The following PARP4 variants were observed in gnomAD, a reference collection of about 807,000 sequenced individuals.
PARP4 encodes poly(ADP-ribose) polymerase family member 4.
PARP4 carries 120 observed loss-of-function variants against 187.7 expected under a neutral mutation model. The observed-to-expected ratio is 0.64, with a 90% CI of 0.55 to 0.74. PARP4 has a LOEUF of 0.74. Ranked by LOEUF, PARP4 falls within the 30% of genes least tolerant of loss-of-function variation. The pLI, the probability that PARP4 is intolerant of heterozygous loss-of-function variation, is 0.00. For missense variants in PARP4, 1,836 were observed against 2,070.5 expected, an observed-to-expected ratio of 0.89 and a Z score of 2.20; for synonymous variants, 654 against 740.9, an observed-to-expected ratio of 0.88 and a Z score of 1.90.
Position 24,484,650 on chromosome 13 carries a change from T to C in PARP4, c.1448+3A>G. On this transcript the variant is annotated splice_donor_region_variant and intron_variant, in intron 12 of 33. Coordinates refer to ENST00000381989, the MANE Select transcript of PARP4 (RefSeq NM_006437.4). ...CGATTCTGTGATTAAGGATCGAACA[T>C]ACCTGAGCGAATCACTGAAATAAAT... 8.1e-6 allele frequency: 13 copies of C among 1,595,490 alleles called. No individual in the cohort carries two copies. The highest frequency in any genetic ancestry group is 1.1e-5 in the Non-Finnish European group (13 of 1,162,926).
Position 24,434,690 on chromosome 13 carries a change from G to A in PARP4, c.4451C>T (p.Pro1484Leu), listed in dbSNP as rs750397824. ...NLRLPMASALPEALCSQSRTT... is the reference protein window; with the variant it reads ...NLRLPMASALLEALCSQSRTT... ...CCGGGACTGACTGCAAAGAGCCTCA[G>A]GTAAAGCAGAGGCCATTGGCAGCCT... The change falls in exon 31 of 34, where the codon CCT becomes CTT. Residue 1484 changes from proline to leucine, a missense_variant. By Grantham distance (98) the Pro-to-Leu change is moderately conservative (BLOSUM62 -3). Transcript: ENST00000381989. The A allele has an allele frequency of 6.2e-7, 1 of 1,614,144 alleles. No individual in the cohort carries two copies. The highest frequency in any genetic ancestry group is 1.3e-5 in the African/African-American group (1 of 75,026).
At chr13:24,448,972 G>A (rs1278472688) in intron 25 of PARP4, among the ~76,000 whole-genome samples, 1 of 152,240 alleles carries the variant, frequency 6.6e-6, no homozygotes, top group Non-Finnish European at 1.5e-5. Flanking sequence ...GGTGTAGGAG[G>A]GAATGTGGAG....
intron 27 of PARP4, among the ~76,000 whole-genome samples, chr13:24,444,038 T>C (rs1458906363): frequency 6.6e-6 from 1 of 152,256 alleles, no homozygotes; most frequent in Admixed American, 6.5e-5. Context: ...ATTTTGCTAA[T>C]TCATTTTATT....
In PARP4 at chr13:24,510,625, T is replaced by G. The variant is rs895009183; in HGVS notation, c.-2+2081A>C. On this transcript the variant is annotated intron_variant, in intron 1 of 33. Transcript: ENST00000381989. Reference sequence around the variant, plus strand: ...TAAAATGCTTGTACATATATTTTTTTGCCACATCTCTGTCATAGTTTCCCT... The same window carrying G: ...TAAAATGCTTGTACATATATTTTTTGGCCACATCTCTGTCATAGTTTCCCT... 2.9e-4 allele frequency among the ~76,000 whole-genome samples: 44 copies of G among 152,140 alleles called. 1 individual carries two copies. The highest frequency in any genetic ancestry group is 6.2e-4 in the Non-Finnish European group (42 of 68,030).
intron 33 of PARP4, 92 bp downstream of exon 33, chr13:24,426,374 A>G (rs1162859602): frequency 1.0e-6 from 1 of 955,368 alleles, no homozygotes; most frequent in African/African-American, 1.7e-5. Context: ...TAGTGTACAC[A>G]TGTAAGATAA....
intron 31 of PARP4, among the ~76,000 whole-genome samples, chr13:24,432,994 G>C (rs1557076): frequency 0.94 from 142,699 of 152,150 alleles, 67,056 homozygotes; most frequent in East Asian, 1. Context: ...CCATAGAGAA[G>C]TGGTACCAGG....
At chr13:24,491,964 G>A (rs1230570633) in intron 9 of PARP4, among the ~76,000 whole-genome samples, 3 of 152,284 alleles carry the variant, frequency 2.0e-5, no homozygotes, top group East Asian at 3.9e-4. Context: ...GAGCAGAGCC[G>A]TCACTCTACA....
rs1249471384 is a variant in PARP4 at position 24,490,770 on chromosome 13, G to T, written c.1112C>A (p.Ser371Tyr). 1.9e-6 allele frequency: 3 copies of T among 1,614,020 alleles called. No individual in the cohort carries two copies. The highest frequency in any genetic ancestry group is 1.7e-6 in the Non-Finnish European group (2 of 1,179,862). ...CCTCAAAGCTCGGTATTTGGCCAGG[G>T]ATGGTGGGTTGGGTTTGGACAAATT... ...ETNLSKPNPP[S>Y]LAKYRALRCK... is the part of the protein sequence containing the mutation. Residue 371 changes from serine to tyrosine, a missense_variant, in exon 10 of 34, where the codon TCC becomes TAC. Coordinates refer to ENST00000381989, the MANE Select transcript of PARP4 (RefSeq NM_006437.4).
At position 24,428,340 on chromosome 13, in the gene PARP4, C is replaced by T. The variant is rs548205877; in HGVS notation, c.4847-1742G>A. On this transcript the variant is annotated intron_variant, in intron 32 of 33. Transcript: ENST00000381989. ...ACACTAAACCCTGCTGTGCAGCAGGCTGGTCCTAGCACCTGCTCTGCTCAG... is the reference window on the plus strand; with the variant it reads ...ACACTAAACCCTGCTGTGCAGCAGGTTGGTCCTAGCACCTGCTCTGCTCAG... Among the ~76,000 whole-genome samples the T allele has an allele frequency of 5.3e-5, 8 of 152,350 alleles. No homozygotes were observed. In the East Asian group the frequency reaches 1.2e-3, roughly 22 times the overall value.
At chr13:24,464,317 CAA>C (rs572045350) in intron 17 of PARP4, among the ~76,000 whole-genome samples, 1 of 151,872 alleles carries the variant, frequency 6.6e-6, no homozygotes, top group East Asian at 1.9e-4. Context: ...CATATGGAAC[CAA>C]AAAAGAGCCT....
intron 10 of PARP4, among the ~76,000 whole-genome samples, chr13:24,487,501 A>T (rs1468760216): frequency 6.6e-6 from 1 of 152,202 alleles, no homozygotes; most frequent in Non-Finnish European, 1.5e-5. Context: ...ATGGCGGCAG[A>T]GTGAATGGAA....
In PARP4 at chr13:24,449,215, C is replaced by T. The variant is rs1210088709; in HGVS notation, c.3114+503G>A. On this transcript the variant is annotated intron_variant, in intron 25 of 33. Coordinates refer to ENST00000381989, the MANE Select transcript of PARP4 (RefSeq NM_006437.4). ...CATCCTGGCTAACACAGTGAAACCCCATCTCTACTAAAAATACAAACAATT... is the reference window on the plus strand; with the variant it reads ...CATCCTGGCTAACACAGTGAAACCCTATCTCTACTAAAAATACAAACAATT... Among the ~76,000 whole-genome samples, 9 of 152,032 alleles carry T rather than the reference C, an allele frequency of 5.9e-5. No homozygotes were observed. In the South Asian group the frequency reaches 6.2e-4, roughly 11 times the overall value.
rs140754765 is a variant in PARP4 at position 24,470,775 on chromosome 13, T to G, written c.1915-750A>C. Among the ~76,000 whole-genome samples, 70 of 152,262 alleles carry G rather than the reference T, an allele frequency of 4.6e-4. No individual in the cohort carries two copies. The East Asian group carries it at 0.012, about 26-fold the overall frequency. On this transcript the variant is annotated intron_variant, in intron 15 of 33. Coordinates refer to ENST00000381989, the MANE Select transcript of PARP4 (RefSeq NM_006437.4). Reference sequence around the variant, plus strand: ...ATTAAAAAAAAAAATCTAACTTATTTGAAAACATTGTCCACACCTGGATTT... The same window carrying G: ...ATTAAAAAAAAAAATCTAACTTATTGGAAAACATTGTCCACACCTGGATTT...
At chr13:24,429,835 G>A (rs1870246020) in intron 32 of PARP4, among the ~76,000 whole-genome samples, 1 of 152,142 alleles carries the variant, frequency 6.6e-6, no homozygotes, top group African/African-American at 2.4e-5. Flanking sequence ...TCCTTTATAG[G>A]ATTTTAATCC....
At chr13:24,459,920 A>T in intron 18 of PARP4, 52 bp downstream of exon 18, 1 of 1,517,460 alleles carries the variant, frequency 6.6e-7, no homozygotes, top group Admixed American at 1.9e-5. Flanking sequence ...GCCCTCCACC[A>T]CTCCCCCTCC....
At chr13:24,488,158 G>A (rs1868425234) in intron 10 of PARP4, among the ~76,000 whole-genome samples, 1 of 152,080 alleles carries the variant, frequency 6.6e-6, no homozygotes, top group African/African-American at 2.4e-5. Context: ...TAGCCCTGGA[G>A]GGCTGAACTG....
Position 24,426,474 on chromosome 13 carries a change from AG to A in PARP4, c.4970del (p.Ser1657LeufsTer13), listed in dbSNP as rs1322666815. The A allele has an allele frequency of 1.2e-6, 2 of 1,608,874 alleles. No homozygotes were observed. Among genetic ancestry groups the A allele is most frequent in the Non-Finnish European group, 1.7e-6 (2 of 1,177,440 alleles). On this transcript the variant is annotated frameshift_variant, in exon 33 of 34. Coordinates refer to ENST00000381989, the MANE Select transcript of PARP4 (RefSeq NM_006437.4). LOFTEE classifies it low-confidence loss of function (END_TRUNC). Reference sequence around the variant, plus strand: ...ACTATAGTTAAAGCCACCTGGAAATAGAAGCGTCATCCATTTTCATCAGTGA... The same window carrying A: ...ACTATAGTTAAAGCCACCTGGAAATAAAGCGTCATCCATTTTCATCAGTGA... ...FKSLMKMDDASISRNIPWAFE... is the reference protein window; with the variant it reads ...FKSLMKMDDAXISRNIPWAFE...
intron 30 of PARP4, among the ~76,000 whole-genome samples, chr13:24,436,905 C>T (rs559192542): frequency 6.6e-6 from 1 of 151,960 alleles, no homozygotes; most frequent in Non-Finnish European, 1.5e-5. Context: ...TATTATAGAA[C>T]ATATGAAAAG....
intron 11 of PARP4, among the ~76,000 whole-genome samples, chr13:24,485,676 A>T (rs1449648126): frequency 1.3e-5 from 2 of 152,220 alleles, no homozygotes; most frequent in African/African-American, 2.4e-5. Context: ...TCAAATAAAC[A>T]ACTCATGTTG....
Sources: gnomAD v4.1 joint callset for allele counts (sites outside exome capture counted in the v4.1 genomes callset) on GRCh38, gnomAD v4.1.1 for gene constraint, MANE v1.5 for transcripts, NCBI Gene and HGNC (gene_info 2026-07-23, HGNC 2026-07-21) for gene names.